The following ACSF2 variants were observed in gnomAD, a reference collection of about 807,000 sequenced individuals.
The protein encoded by ACSF2 is medium-chain acyl-CoA ligase ACSF2, mitochondrial.
ACSF2 carries 52 observed loss-of-function variants against 79.3 expected under a neutral mutation model. The ratio of observed to expected loss-of-function variants is 0.66; its 90% CI spans 0.53 to 0.83. The LOEUF (loss-of-function observed/expected upper bound fraction) is 0.83, where lower values mean the gene tolerates loss of function less well. Among genes scored for constraint, ACSF2 ranks in the 40% least tolerant of loss-of-function variants. ACSF2 has a pLI of 0.00. For missense variants in ACSF2, 661 were observed against 803.3 expected (o/e 0.82, Z 2.14); for synonymous variants, 283 against 312.6 (o/e 0.91, Z 1.00).
At chr17:50,438,363 T>A (rs186559637) in intron 1 of ACSF2, among the ~76,000 whole-genome samples, 93 of 152,292 alleles carry the variant, frequency 6.1e-4, no homozygotes, top group Admixed American at 2.0e-3. Context: ...GAAATTGCTG[T>A]GCTGAAGAGT....
intron 1 of ACSF2, among the ~76,000 whole-genome samples, chr17:50,458,737 T>A (rs2032163109): frequency 6.6e-6 from 1 of 152,230 alleles, no homozygotes; most frequent in African/African-American, 2.4e-5. Flanking sequence ...GAGGAATAAA[T>A]GTTGGCTAAG....
At chr17:50,464,831 G>C in intron 10 of ACSF2, 1 of 357,510 alleles carries the variant, frequency 2.8e-6, no homozygotes, top group Non-Finnish European at 5.5e-6. Context: ...AGGCATGAAG[G>C]CTGGGGAGAG....
intron 1 of ACSF2, among the ~76,000 whole-genome samples, chr17:50,436,634 A>G (rs1001133224): frequency 2.0e-5 from 3 of 148,220 alleles, no homozygotes; most frequent in African/African-American, 7.5e-5. Flanking sequence ...GGGTTTCGCC[A>G]TGTTGGTCAG....
At chr17:50,436,738 C>CTT (rs79314993) in intron 1 of ACSF2, among the ~76,000 whole-genome samples, 20 of 132,312 alleles carry the variant, frequency 1.5e-4, no homozygotes, top group African/African-American at 3.3e-4. Flanking sequence ...CCAGGCAGTT[C>CTT]TTTTTTTTTT....
At position 50,461,618 on chromosome 17, in the gene ACSF2, C is replaced by T. The variant is rs748440955; in HGVS notation, c.454-15C>T. 17 of 1,614,084 alleles carry T rather than the reference C, an allele frequency of 1.1e-5. 1 individual carries two copies. In the Admixed American group the frequency reaches 1.2e-4, roughly 11 times the overall value. ...TCTGCCCAGAATACTGATATGCCCT[C>T]GCCGCTTCCACCAGGTGTCTGTGAA... On this transcript the variant is annotated splice_polypyrimidine_tract_variant and intron_variant, in intron 3 of 15. Coordinates refer to ENST00000300441, the MANE Select transcript of ACSF2 (RefSeq NM_025149.6).
Position 50,474,605 on chromosome 17 carries a change from T to C in ACSF2, c.*53T>C. 27 of 1,576,720 alleles carry C rather than the reference T, an allele frequency of 1.7e-5. No homozygotes were observed. The highest frequency in any genetic ancestry group is 2.4e-5 in the Non-Finnish European group (27 of 1,146,678). On this transcript the variant is annotated 3_prime_UTR_variant, in exon 16 of 16. Coordinates refer to ENST00000300441, the MANE Select transcript of ACSF2 (RefSeq NM_025149.6). The surrounding 1 kb of genome is among the most constrained non-coding windows in gnomAD (Gnocchi z 4.2). Reference sequence around the variant, plus strand: ...TTGGCTTGACTCTCTCCTGTCAGAATGCAACCTGGCTTTATGCACCTAGAT... The same window carrying C: ...TTGGCTTGACTCTCTCCTGTCAGAACGCAACCTGGCTTTATGCACCTAGAT...
At chr17:50,459,343 T>C (rs2041212544) in intron 1 of ACSF2, among the ~76,000 whole-genome samples, 2 of 152,098 alleles carry the variant, frequency 1.3e-5, no homozygotes, top group African/African-American at 2.4e-5. Context: ...CAGGCTCGAG[T>C]GATCCTCCCC....
At chr17:50,431,156 A>C (rs2029893829) in intron 1 of ACSF2, among the ~76,000 whole-genome samples, 1 of 152,274 alleles carries the variant, frequency 6.6e-6, no homozygotes, top group Non-Finnish European at 1.5e-5. Context: ...TAAATGTAAC[A>C]GTAGAAAATA....
chr17:50,441,339 T>A (rs1156882313), intron 1 of ACSF2, among the ~76,000 whole-genome samples: 1 of 152,148 alleles, frequency 6.6e-6, no homozygotes, highest in Non-Finnish European at 1.5e-5. Flanking sequence ...CCCAGCTAAA[T>A]TTTTTTGGTG....
At chr17:50,434,578 C>T (rs375323206) in intron 1 of ACSF2, among the ~76,000 whole-genome samples, 6 of 151,174 alleles carry the variant, frequency 4.0e-5, no homozygotes, top group African/African-American at 7.3e-5. Context: ...CCCAGCTACT[C>T]GGGAGGCTGA....
chr17:50,452,089 C>T (rs2031713180), intron 1 of ACSF2, among the ~76,000 whole-genome samples: 1 of 152,178 alleles, frequency 6.6e-6, no homozygotes, highest in Admixed American at 6.5e-5. Context: ...AGCCAGCCCT[C>T]TGCTGGCACC....
At chr17:50,450,302 C>G (rs903861813) in intron 1 of ACSF2, 1 of 152,232 alleles carries the variant, frequency 6.6e-6, no homozygotes, top group Non-Finnish European at 1.5e-5. Flanking sequence ...GAGTTTGAGA[C>G]CAGCCTGGCC....
intron 1 of ACSF2, among the ~76,000 whole-genome samples, chr17:50,449,411 T>C (rs567504455): frequency 6.6e-6 from 1 of 151,118 alleles, no homozygotes; most frequent in Admixed American, 6.6e-5. Flanking sequence ...ATTTCCTTTT[T>C]TTTTTTTCTT....
chr17:50,465,493 G>A lies in ACSF2; in HGVS notation c.1215+1199G>A, dbSNP rs990502788. 69 of 1,596,906 alleles carry A rather than the reference G, an allele frequency of 4.3e-5. No individual in the cohort carries two copies. In the African/African-American group the frequency reaches 8.2e-4, roughly 19 times the overall value. On this transcript the variant is annotated intron_variant, in intron 10 of 15. Transcript: ENST00000300441. The stretch of plus-strand genomic sequence containing the variant: ...GGGAAGAAGGTGGGAGTGCTGGGGG[G>A]AAGGGCAGTGAACTATGGGGCCAGG...
At position 50,473,734 on chromosome 17, in the gene ACSF2, G is replaced by T. The variant is rs1342776572; in HGVS notation, c.1545G>T (p.Arg515=). 1.2e-6 allele frequency: 2 copies of T among 1,614,252 alleles called. No individual in the cohort carries two copies. Among genetic ancestry groups the T allele is most frequent in the South Asian group, 1.1e-5 (1 of 91,086 alleles). The change falls in exon 13 of 16, where the codon CGG becomes CGT. Residue 515 remains arginine, a synonymous_variant. Coordinates refer to ENST00000300441, the MANE Select transcript of ACSF2 (RefSeq NM_025149.6). ...IVGRSKDMII[R]GGENIYPAEL... ...GCCGCTCTAAGGATATGATCATCCG[G>T]GGTGGTGAGAACATCTACCCCGCAG...
chr17:50,472,880 G>A (rs2033184873), intron 12 of ACSF2: 4 of 243,704 alleles, frequency 1.6e-5, no homozygotes, highest in South Asian at 1.2e-4. Context: ...CGTTCTCGCC[G>A]CTAGAGGTCC....
chr17:50,442,301 A>G (rs1480586810), intron 1 of ACSF2, among the ~76,000 whole-genome samples: 2 of 149,556 alleles, frequency 1.3e-5, no homozygotes, highest in Non-Finnish European at 2.9e-5. Flanking sequence ...GTGAAACTCC[A>G]TCCCAAAAAA....
chr17:50,431,523 C>CTCAT (rs2029923892), intron 1 of ACSF2, among the ~76,000 whole-genome samples: 1 of 152,232 alleles, frequency 6.6e-6, no homozygotes, highest in Non-Finnish European at 1.5e-5. Flanking sequence ...TCCGTGAAAT[C>CTCAT]TCACTTGTGC....
chr17:50,426,374 G>A lies in ACSF2; in HGVS notation c.113G>A (p.Gly38Asp), dbSNP rs771918972. ...SRSWQEARLQ[G>D]VRFLSSREVD... ...AGTTGGCAGGAAGCCAGGTTGCAGG[G>A]TGTCCGCTTCCTCAGGTACTGGCCC... Residue 38 changes from glycine to aspartate, a missense_variant, in exon 1 of 16, where the codon GGT (glycine) becomes GAT (aspartate). Gly to Asp is a moderately conservative substitution (Grantham distance 94, BLOSUM62 -1). Coordinates refer to ENST00000300441, the MANE Select transcript of ACSF2 (RefSeq NM_025149.6). The A allele has an allele frequency of 2.9e-6, 4 of 1,390,344 alleles. No individual in the cohort carries two copies. The highest frequency in any genetic ancestry group is 3.8e-6 in the Non-Finnish European group (4 of 1,064,948). The allele number at this position is 1,390,344 out of a possible 1,614,324, so 86.1% of individuals were successfully genotyped here. A position where few individuals can be genotyped will look rare whatever the true frequency, so the allele number is the denominator to read the frequency against.
Sources: allele counts gnomAD v4.1 joint callset (sites outside exome capture counted in the v4.1 genomes callset), GRCh38; gene constraint gnomAD v4.1.1; non-coding constraint Gnocchi (gnomAD v3.1); transcripts MANE v1.5; gene names NCBI Gene and HGNC (gene_info 2026-07-23, HGNC 2026-07-21).